Variants in TANC1 observed in about 807,000 individuals in gnomAD.
TANC1 encodes tetratricopeptide repeat, ankyrin repeat and coiled-coil containing 1.
In TANC1, 77 loss-of-function variants were observed where a neutral mutation model predicts 149.7. That is an observed-to-expected ratio of 0.51 (90% CI 0.43 to 0.62). The LOEUF (loss-of-function observed/expected upper bound fraction) is 0.62, where lower values mean the gene tolerates loss of function less well. Among genes scored for constraint, TANC1 ranks in the 20% least tolerant of loss-of-function variants. The pLI is 0.00. For synonymous variants in TANC1, 854 were observed against 925.0 expected (o/e 0.92, Z 1.39); for missense variants, 1,985 against 2,321.8 (o/e 0.85, Z 2.98).
Position 159,231,505 on chromosome 2 carries a change from G to T in TANC1, c.*493G>T, listed in dbSNP as rs1191459057. On this transcript the variant is annotated 3_prime_UTR_variant, in exon 27 of 27. Transcript: ENST00000263635. Reference sequence around the variant, plus strand: ...TACATAAAAATTAAGTTCTGAGTGAGTTCTAGCTAAATATAAGTGCGACTG... The same window carrying T: ...TACATAAAAATTAAGTTCTGAGTGATTTCTAGCTAAATATAAGTGCGACTG... 6.4e-6 allele frequency: 1 copy of T among 155,330 alleles called. No homozygotes were observed. Among genetic ancestry groups the T allele is most frequent in the Admixed American group, 6.2e-5 (1 of 16,012 alleles). The allele number at this position is 155,330 out of a possible 1,614,324, so 9.6% of individuals were successfully genotyped here.
At chr2:159,042,314 G>A (rs770994983) in intron 2 of TANC1, among the ~76,000 whole-genome samples, 82 of 152,240 alleles carry the variant, frequency 5.4e-4, no homozygotes, top group African/African-American at 1.3e-3. Context: ...AGTGAAGCCC[G>A]GCAGGATTGA....
chr2:159,153,275 T>G (rs771323372), intron 7 of TANC1, among the ~76,000 whole-genome samples: 10 of 152,216 alleles, frequency 6.6e-5, no homozygotes, highest in Non-Finnish European at 1.5e-4. Context: ...ACCTCTGCCA[T>G]GATGACAGAG....
rs779613075 is a variant in TANC1, at chr2:159,227,860, C to T, written c.3945C>T (p.Ala1315=). ...AGGCAGCCCAGAGGTACCAGTATGC[C>T]TTAAGAAAGTTTCCTCGAGAAGGAT... is the stretch of plus-strand genomic sequence containing the variant. ...MKEAAQRYQY[A]LRKFPREGFG... is the part of the protein sequence containing the mutation. The change falls in exon 25 of 27, where the codon GCC becomes GCT. Residue 1315 remains alanine (A), a synonymous_variant. Coordinates refer to ENST00000263635, the MANE Select transcript of TANC1 (RefSeq NM_033394.3). 3.1e-6 allele frequency: 5 copies of T among 1,614,032 alleles called. No individual in the cohort carries two copies. Among genetic ancestry groups the T allele is most frequent in the Non-Finnish European group, 3.4e-6 (4 of 1,180,040 alleles).
intron 3 of TANC1, among the ~76,000 whole-genome samples, chr2:159,067,749 A>G (rs914679816): frequency 8.5e-5 from 13 of 152,202 alleles, no homozygotes; most frequent in African/African-American, 3.1e-4. Context: ...CAGGGTCCCC[A>G]AGCCTAAACT....
At chr2:159,223,218 G>GTAAC (rs2059809854) in intron 22 of TANC1, among the ~76,000 whole-genome samples, 1 of 152,192 alleles carries the variant, frequency 6.6e-6, no homozygotes, top group Admixed American at 6.5e-5. Flanking sequence ...ACTTGTGGAA[G>GTAAC]GACTAGCTGG....
intron 2 of TANC1, among the ~76,000 whole-genome samples, chr2:159,054,672 G>T (rs2041715871): frequency 6.6e-6 from 1 of 152,082 alleles, no homozygotes; most frequent in Non-Finnish European, 1.5e-5. Flanking sequence ...ATTTCCTTAG[G>T]TTTATAATAC....
At chr2:159,181,382 G>A (rs578084893) in intron 14 of TANC1, among the ~76,000 whole-genome samples, 29 of 151,146 alleles carry the variant, frequency 1.9e-4, no homozygotes, top group African/African-American at 2.7e-4. Flanking sequence ...TGCAGGCTCC[G>A]CCCCCTGGGG....
At chr2:159,048,641 C>T (rs1038853379) in intron 2 of TANC1, among the ~76,000 whole-genome samples, 1 of 152,156 alleles carries the variant, frequency 6.6e-6, no homozygotes, top group Non-Finnish European at 1.5e-5. Context: ...ATCATTCTTG[C>T]ACAGGCAGAA....
intron 4 of TANC1, among the ~76,000 whole-genome samples, chr2:159,120,692 A>G (rs1029733169): frequency 6.6e-6 from 1 of 152,146 alleles, no homozygotes; most frequent in African/African-American, 2.4e-5. Context: ...CTGCAGCCTC[A>G]ACCTCCCAAG....
intron 1 of TANC1, among the ~76,000 whole-genome samples, chr2:158,987,162 C>T (rs543493276): frequency 1.4e-5 from 2 of 144,048 alleles, no homozygotes; most frequent in Non-Finnish European, 3.0e-5. Context: ...TGCAGTGAGC[C>T]GAGATTGCGC....
chr2:159,122,126 C>T (rs1459897661), intron 4 of TANC1, among the ~76,000 whole-genome samples: 1 of 152,166 alleles, frequency 6.6e-6, no homozygotes, highest in Non-Finnish European at 1.5e-5. Flanking sequence ...TCTGTAGAGA[C>T]AGGGTTTCAC....
Position 159,172,249 on chromosome 2 carries a change from G to A in TANC1, c.1480G>A (p.Ala494Thr). ...TGAAAACCAGAGACCAAGAGAGGAT[G>A]CAGTGAAATATCTTGCTTCTAAGGT... ...SAENQRPREDAVKYLASKVVA... is the reference protein window; with the variant it reads ...SAENQRPREDTVKYLASKVVA... Residue 494 changes from alanine (A) to threonine (T), a missense_variant, in exon 11 of 27, where the codon GCA becomes ACA. Physicochemically the swap from Ala to Thr is moderately conservative, Grantham distance 58. Around this residue, in one of 3 missense-constraint regions of TANC1, gnomAD observed 557 missense variants for 612.9 expected, o/e 0.91. Coordinates refer to ENST00000263635, the MANE Select transcript of TANC1 (RefSeq NM_033394.3). The A allele has an allele frequency of 6.2e-7, 1 of 1,614,102 alleles. No homozygotes were observed. The highest frequency in any genetic ancestry group is 8.5e-7 in the Non-Finnish European group (1 of 1,179,962).
chr2:158,968,931 C>T (rs1239444703), intron 1 of TANC1, 149 bp downstream of exon 1: 1 of 153,060 alleles, frequency 6.5e-6, no homozygotes, highest in Non-Finnish European at 1.5e-5. Context: ...GGAGCGCCCC[C>T]TCCTCCGCCG....
chr2:159,152,976 C>T (rs2053017251), intron 7 of TANC1, among the ~76,000 whole-genome samples: 2 of 147,732 alleles, frequency 1.4e-5, no homozygotes, highest in Non-Finnish European at 3.0e-5. Flanking sequence ...TACCCAGTAG[C>T]TGACTGATTA....
chr2:159,069,265 G>A (rs966282443), intron 3 of TANC1, among the ~76,000 whole-genome samples: 20 of 152,142 alleles, frequency 1.3e-4, no homozygotes, highest in African/African-American at 4.8e-4. Flanking sequence ...TGTTCCTGCT[G>A]TTCCATCAGT....
At chr2:159,186,379 A>G (rs1035781187) in intron 15 of TANC1, among the ~76,000 whole-genome samples, 1 of 152,174 alleles carries the variant, frequency 6.6e-6, no homozygotes, top group Non-Finnish European at 1.5e-5. Flanking sequence ...AACTGGGACT[A>G]TAGGCACGCT....
intron 22 of TANC1, 59 bp downstream of exon 22, chr2:159,219,926 G>A: frequency 1.9e-6 from 3 of 1,571,578 alleles, no homozygotes; most frequent in Non-Finnish European, 2.6e-6. Context: ...CCCAGGAAGT[G>A]AACAGCTCAA....
At chr2:158,998,549 G>A (rs752720700) in intron 1 of TANC1, among the ~76,000 whole-genome samples, 1 of 152,190 alleles carries the variant, frequency 6.6e-6, no homozygotes, top group African/African-American at 2.4e-5. Context: ...GCCTCGAGGC[G>A]TGTGGGAAAT....
At chr2:158,985,540 G>A (rs2034898128) in intron 1 of TANC1, among the ~76,000 whole-genome samples, 1 of 152,208 alleles carries the variant, frequency 6.6e-6, no homozygotes, top group Non-Finnish European at 1.5e-5. Context: ...GCCAAAGGTG[G>A]ACTGGTTAAC....
Sources: allele counts gnomAD v4.1 joint callset (sites outside exome capture counted in the v4.1 genomes callset), GRCh38; gene constraint gnomAD v4.1.1; regional missense constraint gnomAD v4.1.1; transcripts MANE v1.5; gene names NCBI Gene and HGNC (gene_info 2026-07-23, HGNC 2026-07-21).